NCALD: variants seen among roughly 807,000 people sequenced by gnomAD.
The protein encoded by NCALD is neurocalcin delta.
A neutral mutation model predicts 18.6 loss-of-function variants in NCALD; 10 were observed. The ratio of observed to expected loss-of-function variants is 0.54; its 90% CI spans 0.33 to 0.91. The LOEUF is 0.91. Ranked by LOEUF, NCALD falls within the 40% of genes least tolerant of loss-of-function variation. NCALD has a pLI of 0.03. For synonymous variants in NCALD, 88 were observed against 87.4 expected (o/e 1.01, Z -0.04); for missense variants, 184 against 247.6 (o/e 0.74, Z 1.72).
intron 4 of NCALD, among the ~76,000 whole-genome samples, chr8:101,818,831 C>A (rs1813604228): frequency 6.6e-6 from 1 of 151,942 alleles, no homozygotes; most frequent in Non-Finnish European, 1.5e-5. Flanking sequence ...ATGGTGAAAC[C>A]CCATCTCTAC....
chr8:101,973,113 C>T (rs1287964831), intron 2 of NCALD, among the ~76,000 whole-genome samples: 1 of 152,076 alleles, frequency 6.6e-6, no homozygotes, highest in Non-Finnish European at 1.5e-5. Context: ...ACAAGGAAAG[C>T]AAGGGGGAAA....
chr8:101,889,505 G>T (rs1007298701), intron 3 of NCALD, among the ~76,000 whole-genome samples: 1 of 152,054 alleles, frequency 6.6e-6, no homozygotes, highest in African/African-American at 2.4e-5. Context: ...ATACAAACAG[G>T]CATTTTAAAT....
chr8:102,049,873 C>T (rs1161199895), intron 1 of NCALD, among the ~76,000 whole-genome samples: 1 of 151,956 alleles, frequency 6.6e-6, no homozygotes, highest in Non-Finnish European at 1.5e-5. Flanking sequence ...AAAAATTGAG[C>T]TGTTTTCGGC....
At chr8:101,691,825 C>T (rs1261222564) in intron 3 of NCALD, 2 of 985,368 alleles carry the variant, frequency 2.0e-6, no homozygotes. Context: ...TTCTATAGAT[C>T]AGCGCCAGGT....
chr8:102,025,768 C>A (rs556548633), intron 1 of NCALD, among the ~76,000 whole-genome samples: 1 of 152,158 alleles, frequency 6.6e-6, no homozygotes, highest in Non-Finnish European at 1.5e-5. Context: ...AGAGGAGGAA[C>A]GTATGTCTAC....
chr8:101,775,810 T>G (rs1811768590), intron 1 of NCALD, among the ~76,000 whole-genome samples: 1 of 152,224 alleles, frequency 6.6e-6, no homozygotes, highest in South Asian at 2.1e-4. Context: ...CGTGTCCCTT[T>G]ATGCCACTGA....
At chr8:101,848,150 T>G (rs562726013) in intron 4 of NCALD, among the ~76,000 whole-genome samples, 2 of 152,146 alleles carry the variant, frequency 1.3e-5, no homozygotes, top group African/African-American at 4.8e-5. Flanking sequence ...CAGGAAAGCA[T>G]CATAAGAAAA....
chr8:101,865,963 C>A (rs796691307), intron 4 of NCALD, among the ~76,000 whole-genome samples: 2 of 152,238 alleles, frequency 1.3e-5, no homozygotes, highest in South Asian at 2.1e-4. Flanking sequence ...CAAAAGTGAT[C>A]CACTTGGGTG....
intron 1 of NCALD, among the ~76,000 whole-genome samples, chr8:101,731,941 T>C (rs1440017015): frequency 1.3e-5 from 2 of 152,172 alleles, no homozygotes; most frequent in Admixed American, 6.5e-5. Context: ...GTGTCTGAAG[T>C]CAAAGGCTTC....
At chr8:102,018,325 T>C (rs1822158578) in intron 2 of NCALD, among the ~76,000 whole-genome samples, 2 of 152,200 alleles carry the variant, frequency 1.3e-5, no homozygotes, top group Admixed American at 1.3e-4. Context: ...TCCTAGTAGC[T>C]AAATACTATA....
At chr8:102,093,477 A>G (rs1824992683) in intron 1 of NCALD, among the ~76,000 whole-genome samples, 1 of 152,212 alleles carries the variant, frequency 6.6e-6, no homozygotes, top group Non-Finnish European at 1.5e-5. Flanking sequence ...CCTTAAAGGT[A>G]AGTAAGGTTG....
At chr8:101,907,487 TTA>T (rs1190801472) in intron 3 of NCALD, among the ~76,000 whole-genome samples, 2 of 150,898 alleles carry the variant, frequency 1.3e-5, no homozygotes, top group African/African-American at 4.8e-5. Context: ...TTTTATTATT[TTA>T]TTTTATTAAA....
rs960046851 is a variant in NCALD, at chr8:101,918,831, A to C, written c.-156-2973T>G. Among the ~76,000 whole-genome samples, 4 of 151,994 alleles carry C rather than the reference A, an allele frequency of 2.6e-5. No individual in the cohort carries two copies. In the East Asian group the frequency reaches 7.7e-4, roughly 29 times the overall value. Reference sequence around the variant, plus strand: ...GAAAGATCTCTACAAGGAAAACTACAAGACATTGCCAAAAGATATCAGAGG... The same window carrying C: ...GAAAGATCTCTACAAGGAAAACTACCAGACATTGCCAAAAGATATCAGAGG... On this transcript the variant is annotated intron_variant, in intron 2 of 6. Transcript: ENST00000311028.
chr8:101,847,041 CACT>C (rs1443795665), intron 4 of NCALD, among the ~76,000 whole-genome samples: 1 of 152,130 alleles, frequency 6.6e-6, no homozygotes, highest in African/African-American at 2.4e-5. Flanking sequence ...GCCTTAAAAA[CACT>C]ACATTTTCCA....
At chr8:101,875,281 C>A (rs1816183605) in intron 4 of NCALD, among the ~76,000 whole-genome samples, 1 of 152,206 alleles carries the variant, frequency 6.6e-6, no homozygotes, top group Admixed American at 6.5e-5. Context: ...ACTCCAAAGT[C>A]CTGGCTCTTC....
chr8:101,986,039 T>C (rs1480485768), intron 2 of NCALD, among the ~76,000 whole-genome samples: 2 of 152,002 alleles, frequency 1.3e-5, no homozygotes, highest in East Asian at 1.9e-4. Context: ...CCTTTCCTTT[T>C]CTTTTTTCTA....
chr8:101,897,213 G>A lies in NCALD; in HGVS notation c.-106-9986C>T, dbSNP rs566139686. 9.5e-3 allele frequency among the ~76,000 whole-genome samples: 1,355 copies of A among 142,988 alleles called. 10 individuals carry two copies. Among genetic ancestry groups the A allele is most frequent in the Middle Eastern group, 0.035 (10 of 286 alleles). The allele number at this position is 142,988 out of a possible 152,430, so 93.8% of individuals were successfully genotyped here. A position where few individuals can be genotyped will look rare whatever the true frequency, so the allele number is the denominator to read the frequency against. ...AAAAAATGATGAGTTCATGTCCTTT[G>A]CAGGGACATGGATGAAATTGGAAAT... On this transcript the variant is annotated intron_variant, in intron 3 of 6. Transcript: ENST00000311028.
At chr8:101,746,429 A>G (rs1810427122) in intron 1 of NCALD, among the ~76,000 whole-genome samples, 1 of 151,456 alleles carries the variant, frequency 6.6e-6, no homozygotes, top group African/African-American at 2.5e-5. Flanking sequence ...TAATAGCAAT[A>G]GCAACAACAA....
At chr8:101,776,250 T>C (rs1382681154) in intron 1 of NCALD, among the ~76,000 whole-genome samples, 2 of 152,192 alleles carry the variant, frequency 1.3e-5, no homozygotes, top group Non-Finnish European at 2.9e-5. Context: ...TGTGCTTACC[T>C]GGGATAATTC....
Sources: allele counts gnomAD v4.1 joint callset (sites outside exome capture counted in the v4.1 genomes callset), GRCh38; gene constraint gnomAD v4.1.1; transcripts MANE v1.5; gene names NCBI Gene and HGNC (gene_info 2026-07-23, HGNC 2026-07-21).